The following TRAK1 variants were observed in gnomAD, a reference collection of about 807,000 sequenced individuals.
TRAK1 encodes the protein trafficking kinesin protein 1.
TRAK1 carries 33 observed loss-of-function variants against 92.1 expected under a neutral mutation model. The observed-to-expected ratio is 0.36, with a 90% CI of 0.27 to 0.48. The LOEUF is 0.48. TRAK1 is among the 20% of genes least tolerant of loss of function. TRAK1 has a pLI of 0.99. For synonymous variants in TRAK1, 521 were observed against 517.3 expected, an observed-to-expected ratio of 1.01 and a Z score of -0.10; for missense variants, 1,123 against 1,257.9, an observed-to-expected ratio of 0.89 and a Z score of 1.62.
intron 1 of TRAK1, among the ~76,000 whole-genome samples, chr3:42,022,944 G>T (rs1192315328): frequency 6.6e-6 from 1 of 151,788 alleles, no homozygotes; most frequent in African/African-American, 2.4e-5. Flanking sequence ...GGATCACGAG[G>T]TCAGGAGTTG....
chr3:42,223,896 G>C lies in TRAK1; in HGVS notation c.*159G>C. On this transcript the variant is annotated 3_prime_UTR_variant, in exon 16 of 16. Transcript: ENST00000327628. The surrounding 1 kb of genome is among the most constrained non-coding windows in gnomAD (Gnocchi z 6.1). The stretch of plus-strand genomic sequence containing the variant: ...CAACCTCGTGCCTAATGGAGGAAGT[G>C]TGGAAACTTTGTAAAATGTGTACAT... 1.2e-6 allele frequency: 1 copy of C among 853,250 alleles called. No individual in the cohort carries two copies. The highest frequency in any genetic ancestry group is 1.8e-6 in the Non-Finnish European group (1 of 551,222). The allele number at this position is 853,250 out of a possible 1,614,324, so 52.9% of individuals were successfully genotyped here.
At chr3:42,054,439 A>T (rs1243160676) in intron 1 of TRAK1, among the ~76,000 whole-genome samples, 7 of 152,154 alleles carry the variant, frequency 4.6e-5, no homozygotes, top group Admixed American at 4.6e-4. Flanking sequence ...TTTAGCAATG[A>T]TAGGAAGCCG....
chr3:42,046,793 C>T (rs2148908569), intron 1 of TRAK1, among the ~76,000 whole-genome samples: 1 of 152,310 alleles, frequency 6.6e-6, no homozygotes, highest in African/African-American at 2.4e-5. Context: ...AATTCCCCAT[C>T]ATAAACCCCT....
intron 1 of TRAK1, among the ~76,000 whole-genome samples, chr3:42,100,869 ATAT>A (rs1389876167): frequency 3.3e-5 from 5 of 151,982 alleles, no homozygotes; most frequent in African/African-American, 1.2e-4. Context: ...GGGTTTCACC[ATAT>A]TGGCCAGGCT....
Position 42,184,533 on chromosome 3 carries a change from A to G in TRAK1, c.364-152A>G, listed in dbSNP as rs1029061161. 5.2e-6 allele frequency: 4 copies of G among 770,846 alleles called. No individual in the cohort carries two copies. The African/African-American group carries it at 6.9e-5, about 13-fold the overall frequency. 47.8% of individuals were successfully genotyped at this position (770,846 alleles called of 1,614,324 possible). A position where few individuals can be genotyped will look rare whatever the true frequency, so the allele number is the denominator to read the frequency against. On this transcript the variant is annotated intron_variant, in intron 3 of 15. Transcript: ENST00000327628. ...TGTGGGCAGAGGTTATGCCTGTTTT[A>G]ACAGGCATCAAATGCTAACACAGAT...
chr3:42,013,690 A>T (rs534769070), upstream of TRAK1: 2,379 of 145,942 alleles, frequency 0.016, 37 homozygotes, highest in South Asian at 0.056. The surrounding 1 kb of genome is among the most constrained non-coding windows in gnomAD (Gnocchi z 5.1). Context: ...CGCCCGCAAC[A>T]GTGCCCGCGT....
At chr3:42,039,780 G>A (rs1184408329) in intron 1 of TRAK1, among the ~76,000 whole-genome samples, 1 of 152,168 alleles carries the variant, frequency 6.6e-6, no homozygotes, top group Non-Finnish European at 1.5e-5. Flanking sequence ...AAAATTGTTG[G>A]TCATAGAGGG....
chr3:42,124,214 A>G (rs1041061097), intron 1 of TRAK1, among the ~76,000 whole-genome samples: 3 of 151,898 alleles, frequency 2.0e-5, no homozygotes, highest in Non-Finnish European at 2.9e-5. Flanking sequence ...AGTCATTCCT[A>G]GAACAAAATA....
intron 14 of TRAK1, among the ~76,000 whole-genome samples, chr3:42,215,004 T>A (rs1055303599): frequency 2.0e-5 from 3 of 152,234 alleles, no homozygotes; most frequent in Non-Finnish European, 2.9e-5. Flanking sequence ...CCCCGACTCC[T>A]CACCTCCAGA....
intron 2 of TRAK1, among the ~76,000 whole-genome samples, chr3:42,142,825 G>A (rs1328644061): frequency 2.0e-5 from 3 of 152,036 alleles, no homozygotes; most frequent in African/African-American, 4.8e-5. Context: ...TCTTCTAACC[G>A]TTATTAACTC....
At chr3:42,080,490 C>T (rs1261038892) in intron 1 of TRAK1, among the ~76,000 whole-genome samples, 1 of 152,202 alleles carries the variant, frequency 6.6e-6, no homozygotes, top group African/African-American at 2.4e-5. Context: ...TAAACAGAGG[C>T]GCTTTCATCT....
intron 10 of TRAK1, among the ~76,000 whole-genome samples, chr3:42,196,969 CTCTCTCTT>C (rs1236001710): frequency 1.5e-5 from 2 of 131,884 alleles, no homozygotes; most frequent in South Asian, 2.5e-4. Flanking sequence ...CTCTCTCTCT[CTCTCTCTT>C]TCTCTTTCTC....
At chr3:42,027,118 CA>C (rs758501944) in intron 1 of TRAK1, among the ~76,000 whole-genome samples, 7 of 152,136 alleles carry the variant, frequency 4.6e-5, no homozygotes, top group Non-Finnish European at 8.8e-5. Flanking sequence ...TAGCTAAGCA[CA>C]AAATTAATTA....
At chr3:42,201,681 A>G (rs539979041) in intron 12 of TRAK1, among the ~76,000 whole-genome samples, 1 of 151,340 alleles carries the variant, frequency 6.6e-6, no homozygotes, top group South Asian at 2.1e-4. Flanking sequence ...TTGTTTTGTG[A>G]CCGTTTTGTA....
intron 2 of TRAK1, among the ~76,000 whole-genome samples, chr3:42,140,164 T>A (rs1698468594): frequency 1.3e-5 from 2 of 152,134 alleles, no homozygotes; most frequent in South Asian, 4.1e-4. Context: ...CTTTTGGATA[T>A]GTTCTCTAAA....
chr3:42,154,785 C>T (rs1280657877), intron 2 of TRAK1, among the ~76,000 whole-genome samples: 18 of 152,100 alleles, frequency 1.2e-4, no homozygotes, highest in Middle Eastern at 6.3e-3. Flanking sequence ...GACCCTCAGT[C>T]GTGCCAACCC....
At chr3:42,081,197 A>G (rs1704420737) in intron 1 of TRAK1, among the ~76,000 whole-genome samples, 2 of 152,156 alleles carry the variant, frequency 1.3e-5, no homozygotes, top group Non-Finnish European at 2.9e-5. Flanking sequence ...CATTTGATGT[A>G]TATTGGTCTG....
intron 1 of TRAK1, among the ~76,000 whole-genome samples, chr3:42,023,645 C>T (rs1480458521): frequency 6.6e-6 from 1 of 150,550 alleles, no homozygotes; most frequent in African/African-American, 2.4e-5. Flanking sequence ...AAGGATAAGG[C>T]TGAGGTTTCT....
At chr3:42,014,031 G>C (rs574376609) in exon 1 of TRAK1, 1 of 151,246 alleles carries the variant, frequency 6.6e-6, no homozygotes, top group Non-Finnish European at 1.5e-5. Context: ...GGCCGGGGCC[G>C]GGCCGAGAAC....
Sources: gnomAD v4.1 joint callset for allele counts (sites outside exome capture counted in the v4.1 genomes callset) on GRCh38, gnomAD v4.1.1 for gene constraint, Gnocchi (gnomAD v3.1) non-coding constraint, MANE v1.5 for transcripts, NCBI Gene and HGNC (gene_info 2026-07-23, HGNC 2026-07-21) for gene names.